Variants in PKIA observed in about 807,000 individuals in gnomAD.
PKIA encodes cAMP-dependent protein kinase inhibitor alpha.
In PKIA, 4 loss-of-function variants were observed where a neutral mutation model predicts 7.6. The observed-to-expected ratio is 0.52, with a 90% CI of 0.26 to 1.20. The LOEUF is 1.20. Among genes scored for constraint, PKIA ranks in the 50% most tolerant of loss-of-function variants. PKIA has a pLI of 0.13. For missense variants in PKIA, 73 were observed against 86.2 expected (o/e 0.85, Z 0.61); for synonymous variants, 21 against 30.7 (o/e 0.68, Z 1.04).
intron 1 of PKIA, among the ~76,000 whole-genome samples, chr8:78,555,691 CAAG>C (rs1349987802): frequency 6.6e-6 from 1 of 151,922 alleles, no homozygotes; most frequent in East Asian, 1.9e-4. Flanking sequence ...TTGGTGAATG[CAAG>C]AAGAATTGAG....
rs1399217898 is a variant in PKIA at position 78,603,659 on chromosome 8, G to A, written c.*1838G>A. The A allele has an allele frequency of 6.6e-6, 1 of 151,900 alleles. No homozygotes were observed. The highest frequency in any genetic ancestry group is 1.5e-5 in the Non-Finnish European group (1 of 67,920). The allele number at this position is 151,900 out of a possible 1,614,324, so 9.4% of individuals were successfully genotyped here. A position where few individuals can be genotyped will look rare whatever the true frequency, so the allele number is the denominator to read the frequency against. ...ACAAGTGAGAAAAGAGGTTCCTAGG[G>A]TTATTTTAGGCAATCCCTGGTAAAC... On this transcript the variant is annotated 3_prime_UTR_variant, in exon 4 of 4. Coordinates refer to ENST00000396418, the MANE Select transcript of PKIA (RefSeq NM_006823.4).
intron 3 of PKIA, among the ~76,000 whole-genome samples, chr8:78,599,201 T>C (rs1224923266): frequency 6.6e-6 from 1 of 152,026 alleles, no homozygotes; most frequent in Admixed American, 6.6e-5. Flanking sequence ...TTCTGAGTAT[T>C]AGAATAAGTC....
intron 1 of PKIA, among the ~76,000 whole-genome samples, chr8:78,537,561 T>C (rs1806561913): frequency 6.6e-6 from 1 of 151,968 alleles, no homozygotes; most frequent in East Asian, 1.9e-4. Context: ...ATTTTTGAGT[T>C]ACTTTATTTC....
At chr8:78,580,234 A>T (rs962234304) in intron 2 of PKIA, among the ~76,000 whole-genome samples, 1 of 152,124 alleles carries the variant, frequency 6.6e-6, no homozygotes, top group Non-Finnish European at 1.5e-5. Context: ...ATAAAGATAC[A>T]GAGCATATAG....
chr8:78,568,386 A>T (rs1194738625), intron 1 of PKIA, among the ~76,000 whole-genome samples: 1 of 152,174 alleles, frequency 6.6e-6, no homozygotes, highest in Non-Finnish European at 1.5e-5. Context: ...AATAATTCCT[A>T]AAGGGCATGG....
At chr8:78,520,487 G>A (rs1021479278) in intron 1 of PKIA, among the ~76,000 whole-genome samples, 1 of 152,110 alleles carries the variant, frequency 6.6e-6, no homozygotes, top group Non-Finnish European at 1.5e-5. Context: ...CTCATTTGAT[G>A]TTTATACTAT....
At chr8:78,577,714 T>C (rs1807708411) in intron 2 of PKIA, among the ~76,000 whole-genome samples, 1 of 152,014 alleles carries the variant, frequency 6.6e-6, no homozygotes, top group Non-Finnish European at 1.5e-5. Context: ...GGTATCCTTA[T>C]TCCTGATATG....
intron 2 of PKIA, among the ~76,000 whole-genome samples, chr8:78,582,383 T>C (rs1227769056): frequency 6.6e-6 from 1 of 151,954 alleles, no homozygotes; most frequent in Non-Finnish European, 1.5e-5. Context: ...GGAGAGAGAA[T>C]GAGTGCAAGC....
chr8:78,526,689 G>A (rs568607001), intron 1 of PKIA, among the ~76,000 whole-genome samples: 2 of 151,854 alleles, frequency 1.3e-5, no homozygotes, highest in South Asian at 2.1e-4. Context: ...TACAGAGACC[G>A]TGCAAGCATT....
chr8:78,545,971 T>C (rs902999845), intron 1 of PKIA, among the ~76,000 whole-genome samples: 1 of 152,198 alleles, frequency 6.6e-6, no homozygotes, highest in African/African-American at 2.4e-5. Context: ...TCCCATTCTG[T>C]TTGAATTTAG....
In PKIA at chr8:78,604,413, A is replaced by G. The variant is rs1808425786; in HGVS notation, c.*2592A>G. The G allele has an allele frequency of 6.6e-6, 1 of 151,974 alleles. No homozygotes were observed. The highest frequency in any genetic ancestry group is 2.4e-5 in the African/African-American group (1 of 41,416). 9.4% of individuals were successfully genotyped at this position (151,974 alleles called of 1,614,324 possible). A position where few individuals can be genotyped will look rare whatever the true frequency, so the allele number is the denominator to read the frequency against. On this transcript the variant is annotated 3_prime_UTR_variant, in exon 4 of 4. Transcript: ENST00000396418. The stretch of plus-strand genomic sequence containing the variant: ...GTCACCAAGGAGCTTTCCAGGGCAC[A>G]TGTCATAAAATTAGAGCCAACTGCA...
chr8:78,594,796 A>C (rs552402096), intron 2 of PKIA, among the ~76,000 whole-genome samples: 6 of 152,338 alleles, frequency 3.9e-5, no homozygotes, highest in African/African-American at 1.4e-4. Context: ...ATTCATCCGA[A>C]AAAGAAAGAA....
At chr8:78,591,988 A>G (rs965487782) in intron 2 of PKIA, among the ~76,000 whole-genome samples, 3 of 152,190 alleles carry the variant, frequency 2.0e-5, no homozygotes, top group Admixed American at 1.3e-4. Flanking sequence ...TCTGTCAAAC[A>G]TAATTTTTAT....
At chr8:78,531,143 G>A (rs1806378348) in intron 1 of PKIA, among the ~76,000 whole-genome samples, 1 of 152,048 alleles carries the variant, frequency 6.6e-6, no homozygotes, top group African/African-American at 2.4e-5. Context: ...CTTTCTGTAT[G>A]AATTTTCAGC....
At chr8:78,532,243 T>A (rs915297388) in intron 1 of PKIA, among the ~76,000 whole-genome samples, 1 of 152,084 alleles carries the variant, frequency 6.6e-6, no homozygotes, top group Non-Finnish European at 1.5e-5. Flanking sequence ...TCAAAGCTTA[T>A]TTAATATTAA....
intron 1 of PKIA, among the ~76,000 whole-genome samples, chr8:78,521,826 T>A (rs1375148134): frequency 6.6e-6 from 1 of 151,964 alleles, no homozygotes; most frequent in Non-Finnish European, 1.5e-5. Flanking sequence ...TGTCTCATTA[T>A]CACAAACAGA....
intron 1 of PKIA, chr8:78,533,911 G>T (rs1186031631): frequency 1.3e-5 from 2 of 151,996 alleles, no homozygotes; most frequent in African/African-American, 2.4e-5. Flanking sequence ...AAAAAACTCA[G>T]TTTAATATGC....
At chr8:78,524,867 TG>T (rs928046091) in intron 1 of PKIA, among the ~76,000 whole-genome samples, 1 of 151,974 alleles carries the variant, frequency 6.6e-6, no homozygotes, top group Non-Finnish European at 1.5e-5. Context: ...GTATGGTACA[TG>T]GCTTTAATAC....
intron 1 of PKIA, among the ~76,000 whole-genome samples, chr8:78,538,729 A>C (rs969664521): frequency 5.3e-5 from 8 of 152,034 alleles, no homozygotes; most frequent in African/African-American, 1.9e-4. Context: ...CTAGGGAACA[A>C]AGATGGTCAA....
Sources: gnomAD v4.1 joint callset for allele counts (sites outside exome capture counted in the v4.1 genomes callset) on GRCh38, gnomAD v4.1.1 for gene constraint, MANE v1.5 for transcripts, NCBI Gene and HGNC (gene_info 2026-07-23, HGNC 2026-07-21) for gene names.